Variants in IMPA2 observed in about 807,000 individuals in gnomAD.
The protein encoded by IMPA2 is IMP 2.
A neutral mutation model predicts 35.1 loss-of-function variants in IMPA2; 32 were observed. That is an observed-to-expected ratio of 0.91 (90% CI 0.69 to 1.23). The LOEUF is 1.23. IMPA2 is among the 50% of genes most tolerant of loss of function. IMPA2 has a pLI of 0.00. For missense variants in IMPA2, 334 were observed against 387.6 expected (o/e 0.86, Z 1.16); for synonymous variants, 135 against 160.6 (o/e 0.84, Z 1.20).
chr18:12,027,393 T>C (rs1382942192), intron 5 of IMPA2, among the ~76,000 whole-genome samples: 1 of 152,212 alleles, frequency 6.6e-6, no homozygotes, highest in Non-Finnish European at 1.5e-5. Flanking sequence ...GGCTCACTCC[T>C]GCAGCTTCCC....
At chr18:12,017,010 A>ATC (rs141129198) in intron 5 of IMPA2, among the ~76,000 whole-genome samples, 2,208 of 151,926 alleles carry the variant, frequency 0.015, 52 homozygotes, top group African/African-American at 0.049. Flanking sequence ...AGCACCACTA[A>ATC]TCTCTCTCTC....
chr18:12,007,676 T>C (rs868794539), intron 2 of IMPA2, among the ~76,000 whole-genome samples: 2 of 111,268 alleles, frequency 1.8e-5, no homozygotes, highest in Non-Finnish European at 3.8e-5. Flanking sequence ...TCTTTCTTTC[T>C]TTCCTTTCTT....
intron 2 of IMPA2, among the ~76,000 whole-genome samples, chr18:11,999,553 C>G (rs534767395): frequency 1.3e-5 from 2 of 152,340 alleles, no homozygotes; most frequent in South Asian, 2.1e-4. Context: ...GGTGATGTCC[C>G]CTGGTGGCCT....
intron 2 of IMPA2, among the ~76,000 whole-genome samples, chr18:12,000,297 T>G (rs1399985873): frequency 6.6e-6 from 1 of 150,996 alleles, no homozygotes; most frequent in Non-Finnish European, 1.5e-5. Flanking sequence ...TTCAGCCTCC[T>G]GAGTAGCTGG....
At position 12,001,926 on chromosome 18, in the gene IMPA2, T is replaced by G. The variant is rs140210863; in HGVS notation, c.230+2739T>G. The stretch of plus-strand genomic sequence containing the variant: ...CTGCACCACGGACAGCCCCAGTCTG[T>G]GTGTCACCCCCATCTTCCCTAGCTC... On this transcript the variant is annotated intron_variant, in intron 2 of 7. Transcript: ENST00000269159. Among the ~76,000 whole-genome samples, 425 of 152,326 alleles carry G rather than the reference T, an allele frequency of 2.8e-3. 2 individuals carry two copies. Among genetic ancestry groups the G allele is most frequent in the Middle Eastern group, 0.02 (6 of 294 alleles).
intron 5 of IMPA2, among the ~76,000 whole-genome samples, chr18:12,016,426 T>C (rs747610686): frequency 2.8e-4 from 37 of 134,134 alleles, no homozygotes; most frequent in African/African-American, 8.7e-4. Context: ...ATTCTGCCGC[T>C]TTTTTTTTTT....
intron 1 of IMPA2, among the ~76,000 whole-genome samples, chr18:11,990,665 C>T (rs1906787183): frequency 6.6e-6 from 1 of 152,126 alleles, no homozygotes; most frequent in African/African-American, 2.4e-5. Context: ...GAATAAAGGA[C>T]TTCTGGGTTT....
intron 5 of IMPA2, among the ~76,000 whole-genome samples, chr18:12,024,401 G>T (rs1353022909): frequency 6.6e-6 from 1 of 152,142 alleles, no homozygotes; most frequent in South Asian, 2.1e-4. Flanking sequence ...AGAGAACTGC[G>T]TGAACCTGGG....
At position 12,028,839 on chromosome 18, in the gene IMPA2, C is replaced by T. The variant is rs750951437; in HGVS notation, c.600-3C>T. The T allele has an allele frequency of 1.2e-6, 2 of 1,613,686 alleles. No individual in the cohort carries two copies. Among genetic ancestry groups the T allele is most frequent in the South Asian group, 1.1e-5 (1 of 91,006 alleles). On this transcript the variant is annotated splice_polypyrimidine_tract_variant and splice_region_variant and intron_variant, in intron 6 of 7. Transcript: ENST00000269159. ...GCATCTGTCCTCCCTTCCCTCTCCCCAGGGTCCGAGTGATTGGAAGCTCCA... is the reference window on the plus strand; with the variant it reads ...GCATCTGTCCTCCCTTCCCTCTCCCTAGGGTCCGAGTGATTGGAAGCTCCA...
At chr18:12,008,108 C>G (rs1233215875) in intron 2 of IMPA2, among the ~76,000 whole-genome samples, 1 of 152,124 alleles carries the variant, frequency 6.6e-6, no homozygotes, top group Non-Finnish European at 1.5e-5. Flanking sequence ...CAATTCTCCT[C>G]TCTCAGTCTC....
chr18:12,029,568 C>T (rs1907989186), intron 7 of IMPA2, among the ~76,000 whole-genome samples: 1 of 152,124 alleles, frequency 6.6e-6, no homozygotes, highest in East Asian at 1.9e-4. Flanking sequence ...ACTAAAGGCA[C>T]TCACCACCAT....
chr18:12,028,298 G>T (rs1326301456), intron 6 of IMPA2, 147 bp downstream of exon 6: 3 of 623,048 alleles, frequency 4.8e-6, no homozygotes, highest in Non-Finnish European at 8.6e-6. Flanking sequence ...GGGAAGCCCT[G>T]TGAGGGGCCC....
chr18:12,012,050 A>G (rs1907446510), intron 3 of IMPA2, 120 bp from the exon 4 acceptor site: 4 of 805,092 alleles, frequency 5.0e-6, no homozygotes, highest in Middle Eastern at 2.4e-4. Flanking sequence ...TTTTTAAACA[A>G]CCAACCCACC....
intron 4 of IMPA2, among the ~76,000 whole-genome samples, chr18:12,013,087 G>T (rs1366864784): frequency 6.6e-6 from 1 of 152,186 alleles, no homozygotes; most frequent in Non-Finnish European, 1.5e-5. Context: ...GTACTTCAGG[G>T]GTTGATTGAT....
rs1055413632 is a variant in IMPA2, at chr18:11,991,696, A to G, written c.97-7358A>G. Among the ~76,000 whole-genome samples the G allele has an allele frequency of 2.0e-5, 3 of 152,058 alleles. No homozygotes were observed. The highest frequency in any genetic ancestry group is 7.2e-5 in the African/African-American group (3 of 41,398). ...TTCATGTGGACAGAGTCCCAAGGCC[A>G]TTTGCGGAGAACCCCCTCTTACTTG... On this transcript the variant is annotated intron_variant, in intron 1 of 7. Transcript: ENST00000269159. The surrounding 1 kb of genome is among the most constrained non-coding windows in gnomAD (Gnocchi z 4.1).
In IMPA2 at chr18:12,029,781, C is replaced by T. The variant is rs185715281; in HGVS notation, c.752-562C>T. On this transcript the variant is annotated intron_variant, in intron 7 of 7. Coordinates refer to ENST00000269159, the MANE Select transcript of IMPA2 (RefSeq NM_014214.3). ...TTTACCACTAGAGCACCTGAAGGCT[C>T]ACGTATGTGCAAGCAGGTCTCCAGC... Among the ~76,000 whole-genome samples, 60 of 152,342 alleles carry T rather than the reference C, an allele frequency of 3.9e-4. 1 individual carries two copies. Among genetic ancestry groups the T allele is most frequent in the African/African-American group, 1.3e-3 (52 of 41,578 alleles).
Position 11,981,599 on chromosome 18 carries a change from A to T in IMPA2, c.-71A>T. The T allele has an allele frequency of 9.6e-7, 1 of 1,037,902 alleles. No homozygotes were observed. Among genetic ancestry groups the T allele is most frequent in the Middle Eastern group, 3.6e-4 (1 of 2,816 alleles). 64.3% of individuals were successfully genotyped at this position (1,037,902 alleles called of 1,614,324 possible). ...AGGGAGTGTGGAGCCTGGCGGCGGG[A>T]CGGCGGGATCCGGTGGGAGCCGGAG... On this transcript the variant is annotated 5_prime_UTR_variant, in exon 1 of 8. Coordinates refer to ENST00000269159, the MANE Select transcript of IMPA2 (RefSeq NM_014214.3).
At chr18:12,004,437 G>A (rs1298014159) in intron 2 of IMPA2, among the ~76,000 whole-genome samples, 1 of 151,974 alleles carries the variant, frequency 6.6e-6, no homozygotes, top group Non-Finnish European at 1.5e-5. Context: ...CCTTAATCCA[G>A]TTGCTATTTT....
At chr18:12,024,355 G>C (rs1040951391) in intron 5 of IMPA2, among the ~76,000 whole-genome samples, 1 of 151,992 alleles carries the variant, frequency 6.6e-6, no homozygotes, top group African/African-American at 2.4e-5. Flanking sequence ...ATGGTGGTGC[G>C]CACCTGTAAT....
Sources: gnomAD v4.1 joint callset for allele counts (sites outside exome capture counted in the v4.1 genomes callset) on GRCh38, gnomAD v4.1.1 for gene constraint, Gnocchi (gnomAD v3.1) non-coding constraint, MANE v1.5 for transcripts, NCBI Gene and HGNC (gene_info 2026-07-23, HGNC 2026-07-21) for gene names.